Variants in ZFHX3 observed in about 807,000 individuals in gnomAD.
ZFHX3 encodes the protein zinc finger homeobox 3, also known as zinc finger homeobox protein 3.
Under a neutral mutation model 279.1 loss-of-function variants are expected in ZFHX3, and 42 were observed. The ratio of observed to expected loss-of-function variants is 0.15; its 90% confidence interval spans 0.12 to 0.19. ZFHX3 has a LOEUF of 0.19. Among genes scored for constraint, ZFHX3 ranks in the 10% least tolerant of loss-of-function variants. The probability of loss-of-function intolerance (pLI) is 1.00; values close to 1 mark genes in which losing one functional copy is unlikely to be tolerated. For synonymous variants in ZFHX3, 2,293 were observed against 1,957.8 expected, an observed-to-expected ratio of 1.17 and a Z score of -4.52; for missense variants, 4,981 against 4,754.0, an observed-to-expected ratio of 1.05 and a Z score of -1.40.
At chr16:72,810,234 G>A (rs1031108723) in intron 7 of ZFHX3, among the ~76,000 whole-genome samples, 2 of 150,172 alleles carry the variant, frequency 1.3e-5, no homozygotes, top group South Asian at 4.2e-4. Flanking sequence ...CACCCAGGCT[G>A]GAGTGCAGTA....
chr16:73,031,287 G>A (rs1049388971), intron 1 of ZFHX3, among the ~76,000 whole-genome samples: 1 of 152,270 alleles, frequency 6.6e-6, no homozygotes, highest in South Asian at 2.1e-4. Context: ...GGCGGGGGGG[G>A]AAGTAAACAT....
At chr16:73,849,929 C>T (rs1189364019) in intron 1 of ZFHX3, among the ~76,000 whole-genome samples, 1 of 152,100 alleles carries the variant, frequency 6.6e-6, no homozygotes, top group Non-Finnish European at 1.5e-5. Context: ...GGCGGGGTTT[C>T]ACCATGTTGG....
At chr16:73,116,029 G>T (rs909543936) in intron 7 of ZFHX3, among the ~76,000 whole-genome samples, 1 of 151,920 alleles carries the variant, frequency 6.6e-6, no homozygotes, top group Non-Finnish European at 1.5e-5. Context: ...CTGAGGCAGG[G>T]GAATCACTTG....
chr16:73,357,301 A>G (rs938409499), intron 3 of ZFHX3, among the ~76,000 whole-genome samples: 4 of 152,052 alleles, frequency 2.6e-5, no homozygotes, highest in African/African-American at 9.6e-5. Flanking sequence ...GCATCTTGGA[A>G]GAAGGTTAAA....
At chr16:73,224,181 G>A (rs1007144385) in intron 5 of ZFHX3, among the ~76,000 whole-genome samples, 10 of 152,144 alleles carry the variant, frequency 6.6e-5, no homozygotes, top group African/African-American at 2.4e-4. Flanking sequence ...ATGGACTTTG[G>A]GTGATACTGA....
intron 1 of ZFHX3, 43 bp downstream of exon 1, chr16:73,047,709 G>T (rs961954772): frequency 3.9e-5 from 6 of 152,784 alleles, no homozygotes; most frequent in South Asian, 2.1e-4. Context: ...CCTGCCCGCG[G>T]CTCCAGGCCG....
At chr16:73,533,286 A>T (rs1300496904) in intron 2 of ZFHX3, among the ~76,000 whole-genome samples, 2 of 151,480 alleles carry the variant, frequency 1.3e-5, no homozygotes, top group Non-Finnish European at 2.9e-5. Flanking sequence ...AGGACTCCTG[A>T]CTATCACTTG....
At chr16:73,245,827 T>C (rs2013264639) in intron 5 of ZFHX3, among the ~76,000 whole-genome samples, 1 of 152,002 alleles carries the variant, frequency 6.6e-6, no homozygotes, top group Admixed American at 6.6e-5. Context: ...ATTGAAGAAG[T>C]GAAAGCGTAA....
At chr16:73,780,017 C>G (rs2452445) in intron 1 of ZFHX3, among the ~76,000 whole-genome samples, 18,155 of 146,440 alleles carry the variant, frequency 0.12, 2,731 homozygotes, top group African/African-American at 0.36. Flanking sequence ...TTTTTTTTCT[C>G]TCTTCACCTA....
At chr16:73,716,645 ACACACGCATG>A (rs761275886) in intron 1 of ZFHX3, among the ~76,000 whole-genome samples, 19 of 46,464 alleles carry the variant, frequency 4.1e-4, no homozygotes, top group Non-Finnish European at 6.4e-4. Context: ...ACACACACAC[ACACACGCATG>A]CACGCACGCA....
chr16:72,937,264 A>T (rs1276402909), intron 3 of ZFHX3, among the ~76,000 whole-genome samples: 1 of 152,228 alleles, frequency 6.6e-6, no homozygotes, highest in Non-Finnish European at 1.5e-5. Flanking sequence ...TGAATGAGAT[A>T]CTTAGGGAGA....
intron 4 of ZFHX3, among the ~76,000 whole-genome samples, chr16:72,836,031 C>A (rs1048657700): frequency 6.6e-6 from 1 of 152,232 alleles, no homozygotes; most frequent in African/African-American, 2.4e-5. Flanking sequence ...CGTTATAATT[C>A]TGCTACAATA....
chr16:73,372,079 C>A (rs1449055825), intron 3 of ZFHX3, among the ~76,000 whole-genome samples: 1 of 152,230 alleles, frequency 6.6e-6, no homozygotes, highest in Non-Finnish European at 1.5e-5. Flanking sequence ...TCTATGTACA[C>A]AATGGCATTT....
intron 1 of ZFHX3, among the ~76,000 whole-genome samples, chr16:73,031,737 C>T (rs1359138022): frequency 6.6e-6 from 1 of 152,110 alleles, no homozygotes; most frequent in African/African-American, 2.4e-5. Context: ...GCGTGCAGGG[C>T]GGAAGATCCT....
intron 5 of ZFHX3, among the ~76,000 whole-genome samples, chr16:73,184,244 G>C (rs976961932): frequency 6.6e-6 from 1 of 152,182 alleles, no homozygotes; most frequent in Non-Finnish European, 1.5e-5. Context: ...AGTGATGGAT[G>C]CGTCCAGGCA....
intron 2 of ZFHX3, among the ~76,000 whole-genome samples, chr16:73,492,339 C>A (rs992019705): frequency 6.6e-6 from 1 of 152,150 alleles, no homozygotes; most frequent in African/African-American, 2.4e-5. Flanking sequence ...ACTCTGATAT[C>A]CCTCTCTGTC....
intron 1 of ZFHX3, among the ~76,000 whole-genome samples, chr16:73,869,698 G>C (rs1010310806): frequency 6.6e-6 from 1 of 152,188 alleles, no homozygotes. Flanking sequence ...TCTGGTATGT[G>C]ACCTACTGAA....
chr16:73,062,462 T>G (rs1965696110), upstream of ZFHX3: 1 of 152,218 alleles, frequency 6.6e-6, no homozygotes, highest in Non-Finnish European at 1.5e-5. Context: ...TGAAGCCACT[T>G]CTTTGCAAAT....
chr16:73,237,532 T>TA (rs1301163435), intron 5 of ZFHX3, among the ~76,000 whole-genome samples: 3 of 146,050 alleles, frequency 2.1e-5, no homozygotes, highest in Non-Finnish European at 4.5e-5. Flanking sequence ...TGCAGCCTTT[T>TA]TTTTTTTTTT....
Sources: allele counts gnomAD v4.1 joint callset (sites outside exome capture counted in the v4.1 genomes callset), GRCh38; gene constraint gnomAD v4.1.1; transcripts MANE v1.5; gene names NCBI Gene and HGNC (gene_info 2026-07-23, HGNC 2026-07-21).